Variants in STOX2 observed in about 807,000 individuals in gnomAD.
STOX2 encodes the protein storkhead-box protein 2.
Under a neutral mutation model 60.9 loss-of-function variants are expected in STOX2, and 28 were observed. The ratio of observed to expected loss-of-function variants is 0.46; its 90% confidence interval spans 0.34 to 0.63. The LOEUF (loss-of-function observed/expected upper bound fraction) is 0.63. STOX2 is among the 30% of genes least tolerant of loss of function. STOX2 has a pLI of 0.01. For missense variants in STOX2, 1,024 were observed against 1,187.7 expected (o/e 0.86, Z 2.03); for synonymous variants, 472 against 463.9 (o/e 1.02, Z -0.22).
At chr4:184,007,868 G>A (rs1210917801) in intron 2 of STOX2, among the ~76,000 whole-genome samples, 3 of 152,266 alleles carry the variant, frequency 2.0e-5, no homozygotes, top group South Asian at 2.1e-4. Flanking sequence ...CCGCTCTAAC[G>A]ACCTCATTTT....
chr4:183,833,654 C>G (rs1457664573), intron 1 of STOX2, among the ~76,000 whole-genome samples: 1 of 149,552 alleles, frequency 6.7e-6, no homozygotes. Flanking sequence ...TTTTTCATTC[C>G]AAGCATACCA....
At chr4:183,808,853 T>TAAATAAATAA (rs1738970695) in intron 1 of STOX2, among the ~76,000 whole-genome samples, 1 of 152,144 alleles carries the variant, frequency 6.6e-6, no homozygotes, top group Non-Finnish European at 1.5e-5. Flanking sequence ...TGTCTTGGGC[T>TAAATAAATAA]ACACATAAAA....
Position 183,906,212 on chromosome 4 carries a change from G to A in STOX2, c.-579G>A, listed in dbSNP as rs888328637. 2.6e-5 allele frequency: 4 copies of A among 152,428 alleles called. No homozygotes were observed. The highest frequency in any genetic ancestry group is 9.6e-5 in the African/African-American group (4 of 41,576). The allele number at this position is 152,428 out of a possible 1,614,324, so 9.4% of individuals were successfully genotyped here. ...GGGACTGCGGGCCGTGCGGCTGATA[G>A]GCCCGCGGGGACACGACTCGGACAC... On this transcript the variant is annotated 5_prime_UTR_variant, in exon 1 of 4. Transcript: ENST00000308497.
intron 1 of STOX2, among the ~76,000 whole-genome samples, chr4:183,809,973 T>C (rs1738998694): frequency 6.6e-6 from 1 of 152,266 alleles, no homozygotes; most frequent in South Asian, 2.1e-4. Context: ...TGGAAGACTG[T>C]GAAATGTCAG....
intron 1 of STOX2, among the ~76,000 whole-genome samples, chr4:183,860,442 C>A (rs138228810): frequency 1.9e-3 from 236 of 121,342 alleles, no homozygotes; most frequent in Middle Eastern, 8.9e-3. Flanking sequence ...AAACAAAAAA[C>A]AAAAAAAAAA....
At chr4:183,909,572 A>C (rs1057272984) in intron 1 of STOX2, among the ~76,000 whole-genome samples, 1 of 152,212 alleles carries the variant, frequency 6.6e-6, no homozygotes, top group African/African-American at 2.4e-5. Flanking sequence ...CAGTTAAGAG[A>C]CTATTTTTAG....
intron 2 of STOX2, among the ~76,000 whole-genome samples, chr4:184,008,278 T>C (rs1016357139): frequency 2.0e-5 from 3 of 152,236 alleles, no homozygotes; most frequent in African/African-American, 7.2e-5. Context: ...TAAGAATTTA[T>C]GCTCTTAATT....
chr4:183,843,279 C>T (rs1026723961), intron 1 of STOX2, among the ~76,000 whole-genome samples: 3 of 151,982 alleles, frequency 2.0e-5, no homozygotes, highest in Admixed American at 2.0e-4. Context: ...AATCTCAGAA[C>T]CTTGGCCACA....
chr4:183,841,465 G>A (rs150116061), intron 1 of STOX2, among the ~76,000 whole-genome samples: 97 of 151,990 alleles, frequency 6.4e-4, no homozygotes, highest in African/African-American at 2.2e-3. Flanking sequence ...CTCCCTCCTC[G>A]GCCTCCCAAA....
Position 184,021,610 on chromosome 4 carries a change from C to T in STOX2, c.*4326C>T, listed in dbSNP as rs558186317. The T allele has an allele frequency of 9.2e-5, 14 of 152,296 alleles. No individual in the cohort carries two copies. The highest frequency in any genetic ancestry group is 5.8e-4 in the East Asian group (3 of 5,188). 9.4% of individuals were successfully genotyped at this position (152,296 alleles called of 1,614,324 possible). A position where few individuals can be genotyped will look rare whatever the true frequency, so the allele number is the denominator to read the frequency against. On this transcript the variant is annotated 3_prime_UTR_variant, in exon 4 of 4. Transcript: ENST00000308497. ...TTTCATATTGGGTTGCTATAGTTCC[C>T]GTGCTAAATCACCAGCTTTCAGGAA...
chr4:183,875,890 TA>T (rs1740817872), intron 1 of STOX2, among the ~76,000 whole-genome samples: 1 of 152,158 alleles, frequency 6.6e-6, no homozygotes, highest in Non-Finnish European at 1.5e-5. Flanking sequence ...GCTAATTTTT[TA>T]AAAATTTATT....
rs1734597036 is a variant in STOX2, at chr4:184,021,660, G to A, written c.*4376G>A. 1 of 152,192 alleles carries A rather than the reference G, an allele frequency of 6.6e-6. No individual in the cohort carries two copies. The highest frequency in any genetic ancestry group is 1.5e-5 in the Non-Finnish European group (1 of 68,046). 9.4% of individuals were successfully genotyped at this position (152,192 alleles called of 1,614,324 possible). On this transcript the variant is annotated 3_prime_UTR_variant, in exon 4 of 4. Coordinates refer to ENST00000308497, the MANE Select transcript of STOX2 (RefSeq NM_020225.3). ...ACATGACTGCTCCTGGCAGTGGAAGGTGCTGAAACAGAAATTTTAATTAAA... is the reference window on the plus strand; with the variant it reads ...ACATGACTGCTCCTGGCAGTGGAAGATGCTGAAACAGAAATTTTAATTAAA...
intron 1 of STOX2, among the ~76,000 whole-genome samples, chr4:183,976,573 G>A (rs566921158): frequency 1.4e-4 from 22 of 151,946 alleles, no homozygotes; most frequent in African/African-American, 5.1e-4. Flanking sequence ...GAGGGAGGGA[G>A]GAGGGCATGG....
chr4:183,996,465 C>T (rs376518539), intron 1 of STOX2, among the ~76,000 whole-genome samples: 4 of 152,186 alleles, frequency 2.6e-5, no homozygotes, highest in East Asian at 1.9e-4. Flanking sequence ...TGTAGATTAT[C>T]GTGACCAACA....
At chr4:183,805,362 C>T (rs919399794) in intron 1 of STOX2, among the ~76,000 whole-genome samples, 18 of 152,256 alleles carry the variant, frequency 1.2e-4, no homozygotes, top group East Asian at 3.9e-4. Context: ...GGGAAACTAA[C>T]GATATGGTCT....
intron 1 of STOX2, among the ~76,000 whole-genome samples, chr4:183,892,336 T>C (rs1002231545): frequency 7.9e-5 from 12 of 152,318 alleles, no homozygotes; most frequent in South Asian, 2.1e-4. Context: ...TGGAGTGCAG[T>C]GGCGCGATCT....
Position 183,806,466 on chromosome 4 carries a change from C to T in STOX2, c.364+8411C>T, listed in dbSNP as rs966398958. Among the ~76,000 whole-genome samples, 14 of 152,122 alleles carry T rather than the reference C, an allele frequency of 9.2e-5. No homozygotes were observed. Among genetic ancestry groups the T allele is most frequent in the Non-Finnish European group, 1.6e-4 (11 of 68,026 alleles). On this transcript the variant is annotated intron_variant, in intron 1 of 2. Coordinates refer to the STOX2 transcript ENST00000513034. This position sits in a 1 kb window ranked among gnomAD's most constrained non-coding sequence, Gnocchi z 4.1. ...TGAAGGGGTGGAATCCAGTCTGGGG[C>T]GCCCCATCTTCCTGCCGCCTGAGGT...
At chr4:183,955,313 C>T (rs1263425414) in intron 1 of STOX2, among the ~76,000 whole-genome samples, 1 of 152,188 alleles carries the variant, frequency 6.6e-6, no homozygotes, top group Admixed American at 6.5e-5. Context: ...CACTTACTTT[C>T]CTTACACAGC....
At chr4:184,007,255 C>G (rs192861743) in intron 2 of STOX2, among the ~76,000 whole-genome samples, 14 of 152,220 alleles carry the variant, frequency 9.2e-5, no homozygotes, top group African/African-American at 2.9e-4. Context: ...TATGTTACCG[C>G]GCATTCACGG....
Sources: allele counts gnomAD v4.1 joint callset (sites outside exome capture counted in the v4.1 genomes callset), GRCh38; gene constraint gnomAD v4.1.1; non-coding constraint Gnocchi (gnomAD v3.1); transcripts MANE v1.5; gene names NCBI Gene and HGNC (gene_info 2026-07-23, HGNC 2026-07-21).